Variants in C5orf47 observed in about 807,000 individuals in gnomAD.
The protein encoded by C5orf47 is uncharacterized protein C5orf47.
In C5orf47, 20 loss-of-function variants were observed where a neutral mutation model predicts 20.6. The ratio of observed to expected loss-of-function variants is 0.97; its 90% CI spans 0.68 to 1.41. The LOEUF (loss-of-function observed/expected upper bound fraction) is 1.41, where lower values mean the gene tolerates loss of function less well. Ranked by LOEUF, C5orf47 falls within the 40% of genes most tolerant of loss-of-function variation. The probability of loss-of-function intolerance (pLI) is 0.00; values close to 1 mark genes in which losing one functional copy is unlikely to be tolerated. For synonymous variants in C5orf47, 106 were observed against 97.3 expected (o/e 1.09, Z -0.53); for missense variants, 262 against 238.4 (o/e 1.10, Z -0.65).
chr5:174,000,025 G>A (rs1177151570), intron 3 of C5orf47, among the ~76,000 whole-genome samples: 1 of 152,086 alleles, frequency 6.6e-6, no homozygotes, highest in Non-Finnish European at 1.5e-5. Flanking sequence ...GAGGAATGTA[G>A]AAGGTGTGTG....
In C5orf47 at chr5:174,001,207, A is replaced by G. The variant is rs1487915731; in HGVS notation, c.523A>G (p.Thr175Ala). 1.3e-6 allele frequency: 2 copies of G among 1,517,528 alleles called. No individual in the cohort carries two copies. 94.0% of individuals were successfully genotyped at this position (1,517,528 alleles called of 1,614,324 possible). A position where few individuals can be genotyped will look rare whatever the true frequency, so the allele number is the denominator to read the frequency against. ...TATGTTGTTTGCAGGCTCAAATTACACAAGATGAATCTTCTTATCTTCTGG... is the reference window on the plus strand; with the variant it reads ...TATGTTGTTTGCAGGCTCAAATTACGCAAGATGAATCTTCTTATCTTCTGG... ...QRLSSESSNY[T>A]R is the part of the protein sequence containing the mutation. The change falls in exon 4 of 5, where the codon ACA (threonine) becomes GCA (alanine). Residue 175 changes from threonine (T) to alanine (A), a missense_variant. Physicochemically the swap from Thr to Ala is moderately conservative, Grantham distance 58. Transcript: ENST00000340147.
At chr5:173,999,870 A>G (rs1374248417) in intron 3 of C5orf47, 71 bp downstream of exon 3, 6 of 748,464 alleles carry the variant, frequency 8.0e-6, no homozygotes, top group Non-Finnish European at 1.3e-5. Flanking sequence ...CTGGGATTGC[A>G]TGAGATCAGT....
At chr5:174,001,173 C>T in intron 3 of C5orf47, 23 bp from the exon 4 acceptor site, 1 of 1,504,336 alleles carries the variant, frequency 6.6e-7, no homozygotes, top group African/African-American at 1.4e-5. Context: ...TTAAATTTTC[C>T]TTATTTTTTA....
At chr5:174,001,096 A>G in intron 3 of C5orf47, 100 bp from the exon 4 acceptor site, 1 of 747,324 alleles carries the variant, frequency 1.3e-6, no homozygotes, top group Non-Finnish European at 2.2e-6. Context: ...TTATGTTTAA[A>G]AATGTATTAT....
At chr5:173,994,228 C>T (rs548680114) in intron 1 of C5orf47, among the ~76,000 whole-genome samples, 1 of 152,186 alleles carries the variant, frequency 6.6e-6, no homozygotes, top group South Asian at 2.1e-4. Flanking sequence ...GCAGGCGTTG[C>T]AGTTTTCGGT....
intron 4 of C5orf47, among the ~76,000 whole-genome samples, chr5:174,002,933 C>A (rs982146323): frequency 3.3e-5 from 5 of 152,034 alleles, no homozygotes; most frequent in Non-Finnish European, 7.4e-5. Context: ...CAGGCTATTT[C>A]TCAAGACTTG....
chr5:173,998,869 AGTTT>A (rs1487302162), intron 2 of C5orf47, among the ~76,000 whole-genome samples: 3 of 152,148 alleles, frequency 2.0e-5, no homozygotes, highest in African/African-American at 7.2e-5. Flanking sequence ...CTGAGCTTTG[AGTTT>A]GTTTGATATC....
At chr5:173,995,907 T>C (rs1045104052) in intron 1 of C5orf47, among the ~76,000 whole-genome samples, 1 of 152,212 alleles carries the variant, frequency 6.6e-6, no homozygotes, top group African/African-American at 2.4e-5. Flanking sequence ...TACTGAAGTT[T>C]AGAGATTCAG....
At chr5:174,007,559 C>CT (rs113925593), downstream of C5orf47, among the ~76,000 whole-genome samples, 11,634 of 138,746 alleles carry the variant, frequency 0.084, 1,289 homozygotes, top group African/African-American at 0.25. Context: ...ACTCTCCTAC[C>CT]TTTTTTTTTT....
intron 4 of C5orf47, among the ~76,000 whole-genome samples, chr5:174,003,482 G>A (rs767730719): frequency 2.6e-5 from 4 of 152,092 alleles, no homozygotes; most frequent in African/African-American, 7.2e-5. Context: ...TTTTACTTTT[G>A]GCATGTTGAA....
chr5:174,007,822 A>G (rs1759315642), downstream of C5orf47, among the ~76,000 whole-genome samples: 1 of 152,126 alleles, frequency 6.6e-6, no homozygotes, highest in African/African-American at 2.4e-5. Flanking sequence ...GGCCTCCCAA[A>G]GTGCTGGGAT....
chr5:173,992,574 A>T (rs1759018334), intron 1 of C5orf47, among the ~76,000 whole-genome samples: 2 of 151,926 alleles, frequency 1.3e-5, no homozygotes, highest in Middle Eastern at 3.4e-3. Context: ...ATTTATTTTT[A>T]TTATTGTTAT....
At chr5:173,989,970 A>C (rs1054685054) in intron 1 of C5orf47, among the ~76,000 whole-genome samples, 3 of 152,190 alleles carry the variant, frequency 2.0e-5, no homozygotes, top group African/African-American at 7.2e-5. Flanking sequence ...TTTACGTTTA[A>C]ATCAGGAAAT....
At position 174,003,086 on chromosome 5, in the gene C5orf47, GGTTAA is replaced by G. The variant is rs1463161321; in HGVS notation, c.*17-1181_*17-1177del. Among the ~76,000 whole-genome samples the G allele has an allele frequency of 4.6e-5, 7 of 152,056 alleles. No individual in the cohort carries two copies. In the South Asian group the frequency reaches 6.2e-4, roughly 14 times the overall value. ...TTGATGATGTTAACTTTGAGCTCTT[GGTTAA>G]GTTGTTATCCATTTATAGTTACTAT... On this transcript the variant is annotated intron_variant, in intron 4 of 4. Transcript: ENST00000340147.
chr5:174,009,299 A>G (rs778872874), downstream of C5orf47, among the ~76,000 whole-genome samples: 12 of 146,150 alleles, frequency 8.2e-5, no homozygotes, highest in Non-Finnish European at 1.4e-4. Context: ...GCCATCCTTC[A>G]TCAGTGGCCA....
intron 1 of C5orf47, among the ~76,000 whole-genome samples, chr5:173,995,760 G>A (rs1759077711): frequency 1.3e-5 from 2 of 152,216 alleles, no homozygotes; most frequent in Admixed American, 6.5e-5. Context: ...TGAAAAGTAA[G>A]TTTTGGACCA....
chr5:174,003,678 G>A (rs754404582), intron 4 of C5orf47, among the ~76,000 whole-genome samples: 3 of 152,090 alleles, frequency 2.0e-5, no homozygotes, highest in South Asian at 2.1e-4. Flanking sequence ...AGGCAATGTC[G>A]AGGATAAAGA....
chr5:173,994,027 G>A (rs1246002697), intron 1 of C5orf47, among the ~76,000 whole-genome samples: 9 of 152,238 alleles, frequency 5.9e-5, no homozygotes, highest in African/African-American at 2.2e-4. Flanking sequence ...GGTTGTGGAA[G>A]CGTTTTCCTT....
At chr5:174,009,085 T>C (rs1204404863), downstream of C5orf47, among the ~76,000 whole-genome samples, 4 of 152,050 alleles carry the variant, frequency 2.6e-5, no homozygotes, top group Admixed American at 2.6e-4. Context: ...CTAATCCTCA[T>C]ATCATCCACT....
Sources: allele counts gnomAD v4.1 joint callset (sites outside exome capture counted in the v4.1 genomes callset), GRCh38; gene constraint gnomAD v4.1.1; transcripts MANE v1.5; gene names NCBI Gene and HGNC (gene_info 2026-07-23, HGNC 2026-07-21).